The following SGCZ variants were observed in gnomAD, a reference collection of about 807,000 sequenced individuals.
SGCZ encodes the protein sarcoglycan zeta, also known as zeta-sarcoglycan.
In SGCZ, 40 loss-of-function variants were observed where a neutral mutation model predicts 41.3. The ratio of observed to expected loss-of-function variants is 0.97; its 90% CI spans 0.75 to 1.26. The LOEUF is 1.26. Ranked by LOEUF, SGCZ falls within the 50% of genes most tolerant of loss-of-function variation. SGCZ has a pLI of 0.00. For synonymous variants in SGCZ, 206 were observed against 137.5 expected (o/e 1.50, Z -3.49); for missense variants, 552 against 369.8 (o/e 1.49, Z -4.04).
intron 1 of SGCZ, among the ~76,000 whole-genome samples, chr8:14,716,058 C>T (rs985324864): frequency 4.6e-5 from 7 of 151,952 alleles, no homozygotes; most frequent in African/African-American, 1.2e-4. Context: ...AGAAATGCTT[C>T]GGAAAATACC....
intron 1 of SGCZ, among the ~76,000 whole-genome samples, chr8:14,912,760 G>A (rs907261493): frequency 2.6e-5 from 4 of 152,080 alleles, no homozygotes; most frequent in Non-Finnish European, 5.9e-5. Flanking sequence ...CCAGAATGCA[G>A]AAGCTTCCAG....
chr8:14,968,311 C>T (rs1372412610), intron 1 of SGCZ, among the ~76,000 whole-genome samples: 3 of 152,026 alleles, frequency 2.0e-5, no homozygotes, highest in African/African-American at 7.2e-5. Context: ...TTGAACAGAC[C>T]CTCTGGGAAC....
intron 1 of SGCZ, among the ~76,000 whole-genome samples, chr8:14,759,447 C>A (rs1799790115): frequency 6.6e-6 from 1 of 152,132 alleles, no homozygotes; most frequent in African/African-American, 2.4e-5. Context: ...TTAACCACAA[C>A]ACATTTAATA....
chr8:15,049,390 G>A (rs1220728004), intron 1 of SGCZ, among the ~76,000 whole-genome samples: 1 of 152,150 alleles, frequency 6.6e-6, no homozygotes, highest in Non-Finnish European at 1.5e-5. Flanking sequence ...AGAGATGAGT[G>A]TGAAGAAGTA....
intron 1 of SGCZ, among the ~76,000 whole-genome samples, chr8:14,912,252 G>C (rs1038392961): frequency 2.0e-5 from 3 of 151,948 alleles, no homozygotes; most frequent in Admixed American, 6.6e-5. Context: ...GCTCTGGCTT[G>C]ACTTAATGAC....
chr8:14,942,452 T>C (rs1045028968), intron 1 of SGCZ, among the ~76,000 whole-genome samples: 1 of 152,066 alleles, frequency 6.6e-6, no homozygotes, highest in African/African-American at 2.4e-5. Flanking sequence ...GAAATTGTAA[T>C]CCACAAGTTT....
intron 2 of SGCZ, among the ~76,000 whole-genome samples, chr8:14,335,661 G>A (rs1051444991): frequency 1.3e-5 from 2 of 151,966 alleles, no homozygotes; most frequent in Non-Finnish European, 2.9e-5. Context: ...TTTCCTCCTT[G>A]ATAATTATCT....
rs1282230040 is a variant in SGCZ at position 15,232,719 on chromosome 8, GTA to G, written c.39+4864_39+4865del. On this transcript the variant is annotated intron_variant, in intron 1 of 7. Transcript: ENST00000382080. Reference sequence around the variant, plus strand: ...TGTATATATATACATATATATGTGTGTATATATATACATATATATGTGTGTAT... The same window carrying G: ...TGTATATATATACATATATATGTGTGTATATATACATATATATGTGTGTAT... Among the ~76,000 whole-genome samples, 293 of 143,890 alleles carry G rather than the reference GTA, an allele frequency of 2.0e-3. 4 individuals are homozygous for G. Among genetic ancestry groups the G allele is most frequent in the African/African-American group, 7.1e-3 (280 of 39,566 alleles). 94.4% of individuals were successfully genotyped at this position (143,890 alleles called of 152,430 possible).
At chr8:14,178,309 C>G (rs962243953) in intron 4 of SGCZ, among the ~76,000 whole-genome samples, 3 of 152,098 alleles carry the variant, frequency 2.0e-5, no homozygotes, top group Admixed American at 6.5e-5. Context: ...AATATTGAAA[C>G]CATTTGAAGC....
intron 1 of SGCZ, among the ~76,000 whole-genome samples, chr8:14,687,167 A>T (rs905986961): frequency 4.3e-5 from 6 of 138,794 alleles, no homozygotes; most frequent in African/African-American, 1.5e-4. Context: ...TTAAAGAAAA[A>T]AAAAATATAT....
At chr8:14,606,066 T>C (rs1282066259) in intron 1 of SGCZ, among the ~76,000 whole-genome samples, 3 of 152,144 alleles carry the variant, frequency 2.0e-5, no homozygotes, top group African/African-American at 7.2e-5. Flanking sequence ...ATTACACCTT[T>C]AAAATATAAC....
At chr8:14,973,502 G>A (rs552996925) in intron 1 of SGCZ, among the ~76,000 whole-genome samples, 13 of 152,176 alleles carry the variant, frequency 8.5e-5, no homozygotes, top group African/African-American at 2.2e-4. Flanking sequence ...TCCCTTGTCC[G>A]TTTAACTGTG....
chr8:14,589,115 C>G (rs988049809), intron 1 of SGCZ, among the ~76,000 whole-genome samples: 1 of 152,088 alleles, frequency 6.6e-6, no homozygotes, highest in African/African-American at 2.4e-5. Context: ...AGCACACCAA[C>G]ATGGCACATG....
At chr8:14,412,056 C>T (rs1371409809) in intron 2 of SGCZ, among the ~76,000 whole-genome samples, 1 of 152,000 alleles carries the variant, frequency 6.6e-6, no homozygotes, top group South Asian at 2.1e-4. Flanking sequence ...TCCCATAAAG[C>T]CAGTGTTGAC....
intron 1 of SGCZ, among the ~76,000 whole-genome samples, chr8:14,793,070 A>C (rs1801007563): frequency 6.6e-6 from 1 of 152,220 alleles, no homozygotes; most frequent in African/African-American, 2.4e-5. Flanking sequence ...TATCTCCACC[A>C]TGTTCCTATT....
intron 5 of SGCZ, among the ~76,000 whole-genome samples, chr8:14,132,450 C>A (rs774528668): frequency 6.6e-6 from 1 of 152,136 alleles, no homozygotes; most frequent in African/African-American, 2.4e-5. Context: ...GTCCTTTGTA[C>A]CTAAGACAAC....
intron 1 of SGCZ, among the ~76,000 whole-genome samples, chr8:15,039,257 G>A (rs1803988112): frequency 6.6e-6 from 1 of 152,116 alleles, no homozygotes; most frequent in African/African-American, 2.4e-5. Context: ...GATGAATAAA[G>A]AAAATGTAGT....
At chr8:14,148,936 C>T (rs1273417587) in intron 5 of SGCZ, among the ~76,000 whole-genome samples, 1 of 152,176 alleles carries the variant, frequency 6.6e-6, no homozygotes, top group South Asian at 2.1e-4. Flanking sequence ...GGATAAAAAC[C>T]ACATGATCCT....
intron 3 of SGCZ, among the ~76,000 whole-genome samples, chr8:14,273,887 A>G (rs1164354738): frequency 6.6e-6 from 1 of 152,202 alleles, no homozygotes; most frequent in Non-Finnish European, 1.5e-5. Flanking sequence ...GAAGTCTGAA[A>G]GAGGTAAAAA....
Sources: allele counts gnomAD v4.1 joint callset (sites outside exome capture counted in the v4.1 genomes callset), GRCh38; gene constraint gnomAD v4.1.1; transcripts MANE v1.5; gene names NCBI Gene and HGNC (gene_info 2026-07-23, HGNC 2026-07-21).